The following MAP4K5 variants were observed in gnomAD, a reference collection of about 807,000 sequenced individuals.
MAP4K5 encodes MAPK/ERK kinase kinase kinase 5.
In MAP4K5, 82 loss-of-function variants were observed where a neutral mutation model predicts 135.6. That is an observed-to-expected ratio of 0.60 (90% CI 0.51 to 0.73). The LOEUF is 0.73. MAP4K5 is among the 30% of genes least tolerant of loss of function. MAP4K5 has a pLI of 0.00. For missense variants in MAP4K5, 907 were observed against 1,010.9 expected (o/e 0.90, Z 1.39); for synonymous variants, 347 against 335.0 (o/e 1.04, Z -0.39).
At chr14:50,499,231 G>GA (rs747821517) in intron 3 of MAP4K5, among the ~76,000 whole-genome samples, 6 of 151,978 alleles carry the variant, frequency 3.9e-5, no homozygotes, top group Non-Finnish European at 7.4e-5. Context: ...ATGAAAGGGG[G>GA]AAAAAAGAGT....
At chr14:50,541,869 C>T (rs903659153) in intron 2 of MAP4K5, among the ~76,000 whole-genome samples, 15 of 151,122 alleles carry the variant, frequency 9.9e-5, no homozygotes, top group Admixed American at 4.0e-4. Context: ...TAGCTGGGTG[C>T]GGTGGCGAGT....
At chr14:50,425,229 G>C (rs1050146084) in intron 31 of MAP4K5, among the ~76,000 whole-genome samples, 2 of 152,190 alleles carry the variant, frequency 1.3e-5, no homozygotes, top group Admixed American at 1.3e-4. Flanking sequence ...TCCTGCATGA[G>C]ACGTAATTAT....
chr14:50,531,017 C>A lies in MAP4K5; in HGVS notation c.108+925G>T, dbSNP rs552233055. Among the ~76,000 whole-genome samples, 5 of 152,332 alleles carry A rather than the reference C, an allele frequency of 3.3e-5. No homozygotes were observed. The South Asian group carries it at 1.0e-3, about 32-fold the overall frequency. ...TTGTTTGGCACAATGCGATATATAT[C>A]ATGATCAAATCCAATAAACAACGCC... On this transcript the variant is annotated intron_variant, in intron 2 of 32. Coordinates refer to ENST00000682126, the MANE Select transcript of MAP4K5 (RefSeq NM_006575.6).
chr14:50,536,503 A>G (rs2140140134), upstream of MAP4K5, among the ~76,000 whole-genome samples: 1 of 152,108 alleles, frequency 6.6e-6, no homozygotes, highest in African/African-American at 2.4e-5. Context: ...ACCTGAAAAT[A>G]TGGAAGCAAC....
At chr14:50,560,623 T>A (rs1341019433) in intron 1 of MAP4K5, 1 of 390,218 alleles carries the variant, frequency 2.6e-6, no homozygotes, top group Non-Finnish European at 4.8e-6. Flanking sequence ...GGTTCCGCCT[T>A]AGCGATCGGT....
chr14:50,458,155 G>C (rs74675679), intron 13 of MAP4K5, among the ~76,000 whole-genome samples: 1 of 151,834 alleles, frequency 6.6e-6, no homozygotes, highest in Non-Finnish European at 1.5e-5. Context: ...TCCTTCATCC[G>C]TACAGATGAC....
chr14:50,508,215 T>A (rs574641220), intron 2 of MAP4K5, among the ~76,000 whole-genome samples: 1 of 152,110 alleles, frequency 6.6e-6, no homozygotes, highest in Admixed American at 6.6e-5. Flanking sequence ...TTTTCCTCCA[T>A]CCCTCCATTC....
chr14:50,531,854 T>A, intron 2 of MAP4K5, 88 bp downstream of exon 2: 7 of 923,842 alleles, frequency 7.6e-6, no homozygotes, highest in Admixed American at 4.1e-5. Flanking sequence ...AAAAGCATCC[T>A]CCTCTCGCCC....
chr14:50,435,200 C>T (rs1420105116), intron 26 of MAP4K5, 135 bp from the exon 27 acceptor site: 6 of 480,300 alleles, frequency 1.2e-5, no homozygotes, highest in Non-Finnish European at 2.2e-5. Context: ...GCTTCATTGC[C>T]TTTTCCGTTT....
intron 2 of MAP4K5, among the ~76,000 whole-genome samples, chr14:50,541,766 A>G (rs1299402335): frequency 6.6e-6 from 1 of 152,014 alleles, no homozygotes; most frequent in African/African-American, 2.4e-5. Flanking sequence ...CACGCCTGTA[A>G]TCCCAGCATT....
At chr14:50,552,996 C>T (rs1326043280) in intron 1 of MAP4K5, among the ~76,000 whole-genome samples, 1 of 151,946 alleles carries the variant, frequency 6.6e-6, no homozygotes, top group African/African-American at 2.4e-5. Context: ...GCAACAAAAA[C>T]AAAAATAAAT....
rs566223586 is a variant in MAP4K5 at position 50,512,611 on chromosome 14, T to C, written c.109-7754A>G. ...CAAATGAAGAACCGATGGGCAAATG[T>C]TTGTGCTCTGTAATTTTCCAGCTGG... On this transcript the variant is annotated intron_variant, in intron 2 of 32. Coordinates refer to ENST00000682126, the MANE Select transcript of MAP4K5 (RefSeq NM_006575.6). Among the ~76,000 whole-genome samples the C allele has an allele frequency of 3.3e-5, 5 of 152,276 alleles. No homozygotes were observed. In the South Asian group the frequency reaches 6.2e-4, roughly 19 times the overall value.
chr14:50,444,852 AT>A (rs1484413568), intron 18 of MAP4K5, among the ~76,000 whole-genome samples, 188 bp downstream of exon 18: 9 of 152,236 alleles, frequency 5.9e-5, no homozygotes, highest in Non-Finnish European at 1.0e-4. Context: ...AAATCTATTT[AT>A]AGCCCATCCA....
chr14:50,553,600 G>C (rs1330598490), intron 1 of MAP4K5, among the ~76,000 whole-genome samples: 1 of 152,076 alleles, frequency 6.6e-6, no homozygotes, highest in African/African-American at 2.4e-5. Flanking sequence ...CCCACTACTG[G>C]GTGTTTACCC....
chr14:50,538,027 G>A (rs1461994957), intron 2 of MAP4K5, among the ~76,000 whole-genome samples: 2 of 152,142 alleles, frequency 1.3e-5, no homozygotes, highest in African/African-American at 2.4e-5. Context: ...AGGGGCCGGG[G>A]GCAGAATGGT....
rs2036383424 is a variant in MAP4K5, at chr14:50,447,547, C to T, written c.1075-66G>A. On this transcript the variant is annotated intron_variant, in intron 15 of 32. Transcript: ENST00000682126. Reference sequence around the variant, plus strand: ...CAGGTATTAACCATTTTATTTGATTCAAGAAAACATTCCAGTGTCATGATT... The same window carrying T: ...CAGGTATTAACCATTTTATTTGATTTAAGAAAACATTCCAGTGTCATGATT... The T allele has an allele frequency of 3.5e-6, 3 of 855,836 alleles. No individual in the cohort carries two copies. The Admixed American group carries it at 8.7e-5, about 25-fold the overall frequency. 53.0% of individuals were successfully genotyped at this position (855,836 alleles called of 1,614,324 possible).
At chr14:50,521,996 T>C (rs1177488787) in intron 2 of MAP4K5, among the ~76,000 whole-genome samples, 1 of 152,204 alleles carries the variant, frequency 6.6e-6, no homozygotes, top group African/African-American at 2.4e-5. Flanking sequence ...CAAGTATTGC[T>C]TGTTAATAGA....
chr14:50,478,299 TC>T (rs1253082870), intron 6 of MAP4K5, among the ~76,000 whole-genome samples: 1 of 152,074 alleles, frequency 6.6e-6, no homozygotes, highest in African/African-American at 2.4e-5. Context: ...TTACTTTTTT[TC>T]CTGATCAATC....
At position 50,547,862 on chromosome 14, in the gene MAP4K5, C is replaced by T. The variant is rs142020523; in HGVS notation, c.-179-5278G>A. Among the ~76,000 whole-genome samples the T allele has an allele frequency of 2.3e-3, 352 of 152,246 alleles. 2 individuals are homozygous for T. The highest frequency in any genetic ancestry group is 8.0e-3 in the African/African-American group (334 of 41,552). On this transcript the variant is annotated intron_variant, in intron 1 of 8. Transcript: ENST00000555216. ...CCAGTTTGCCTTCACTTGGGAGGGC[C>T]AATAATGGACTTTCCAGGTACTACC...
Sources: allele counts gnomAD v4.1 joint callset (sites outside exome capture counted in the v4.1 genomes callset), GRCh38; gene constraint gnomAD v4.1.1; transcripts MANE v1.5; gene names NCBI Gene and HGNC (gene_info 2026-07-23, HGNC 2026-07-21).